ASB13: variants seen among roughly 807,000 people sequenced by gnomAD.
The protein encoded by ASB13 is ankyrin repeat and SOCS box containing 13, also known as ankyrin repeat and SOCS box protein 13.
Under a neutral mutation model 28.8 loss-of-function variants are expected in ASB13, and 33 were observed. That is an observed-to-expected ratio of 1.15 (90% CI 0.87 to 1.53). The LOEUF is 1.53. Ranked by LOEUF, ASB13 falls within the 40% of genes most tolerant of loss-of-function variation. ASB13 has a pLI of 0.00. For synonymous variants in ASB13, 182 were observed against 172.9 expected, an observed-to-expected ratio of 1.05 and a Z score of -0.41; for missense variants, 414 against 390.1, an observed-to-expected ratio of 1.06 and a Z score of -0.52.
rs984071481 is a variant in ASB13, at chr10:5,650,569, A to G, written c.382+644T>C. Reference sequence around the variant, plus strand: ...AGCCACAGTTTGCAACCTCTGCTCGAAAGAGTAGAATCTAAACTCCTTAGT... The same window carrying G: ...AGCCACAGTTTGCAACCTCTGCTCGGAAGAGTAGAATCTAAACTCCTTAGT... On this transcript the variant is annotated intron_variant, in intron 3 of 5. Coordinates refer to ENST00000357700, the MANE Select transcript of ASB13 (RefSeq NM_024701.4). This position sits in a 1 kb window ranked among gnomAD's most constrained non-coding sequence, Gnocchi z 6.0. Among the ~76,000 whole-genome samples the G allele has an allele frequency of 3.3e-5, 5 of 152,324 alleles. No individual in the cohort carries two copies. Among genetic ancestry groups the G allele is most frequent in the Middle Eastern group, 3.4e-3 (1 of 294 alleles).
chr10:5,655,544 A>T lies in ASB13; in HGVS notation c.44-2494T>A, dbSNP rs1301208256. Among the ~76,000 whole-genome samples the T allele has an allele frequency of 6.6e-6, 1 of 152,190 alleles. No homozygotes were observed. Among genetic ancestry groups the T allele is most frequent in the Non-Finnish European group, 1.5e-5 (1 of 68,050 alleles). On this transcript the variant is annotated intron_variant, in intron 1 of 5. Coordinates refer to ENST00000357700, the MANE Select transcript of ASB13 (RefSeq NM_024701.4). This position sits in a 1 kb window ranked among gnomAD's most constrained non-coding sequence, Gnocchi z 6.2. ...ACAGCCAAAGAGCCCGGGTGACCCT[A>T]TGTCAGTGGAAGTGGGGACTAGGGA...
Position 5,652,876 on chromosome 10 carries a change from G to A in ASB13, c.218C>T (p.Ala73Val), listed in dbSNP as rs369349880. 3.0e-5 allele frequency: 46 copies of A among 1,551,084 alleles called. No individual in the cohort carries two copies. The Middle Eastern group carries it at 5.8e-4, about 19-fold the overall frequency. ...AGGGCCACTCACCTGGGCCCCAGCCGCCAGCAGCAGCTGCACACACCGCGC... is the reference window on the plus strand; with the variant it reads ...AGGGCCACTCACCTGGGCCCCAGCCACCAGCAGCAGCTGCACACACCGCGC... ...GQARCVQLLL[A>V]AGAQVDARNI... The change falls in exon 2 of 6, where the codon GCG becomes GTG. Residue 73 changes from alanine (A) to valine (V), a missense_variant. By Grantham distance (64) the Ala-to-Val change is moderately conservative. Transcript: ENST00000357700. The surrounding 1 kb of genome is among the most constrained non-coding windows in gnomAD (Gnocchi z 5.0).
At position 5,650,729 on chromosome 10, in the gene ASB13, G is replaced by T. The variant is rs1330332996; in HGVS notation, c.382+484C>A. 6.6e-6 allele frequency among the ~76,000 whole-genome samples: 1 copy of T among 152,210 alleles called. No homozygotes were observed. The highest frequency in any genetic ancestry group is 6.5e-5 in the Admixed American group (1 of 15,294). On this transcript the variant is annotated intron_variant, in intron 3 of 5. Coordinates refer to ENST00000357700, the MANE Select transcript of ASB13 (RefSeq NM_024701.4). This position sits in a 1 kb window ranked among gnomAD's most constrained non-coding sequence, Gnocchi z 6.0. ...CTCGGGGTGCCCTTTTATCTTCCCA[G>T]CATCTGCAGTCTGCCTATTCTTGGG...
rs871748 is a variant in ASB13, at chr10:5,659,832, C to T, written c.43+6677G>A. On this transcript the variant is annotated intron_variant, in intron 1 of 5. Transcript: ENST00000357700. This position sits in a 1 kb window ranked among gnomAD's most constrained non-coding sequence, Gnocchi z 5.8. ...TCTGAATGAATAAGCACTCCCCAGACGCATCTTCCCCTGCCAGACTGAACT... is the reference window on the plus strand; with the variant it reads ...TCTGAATGAATAAGCACTCCCCAGATGCATCTTCCCCTGCCAGACTGAACT... Among the ~76,000 whole-genome samples, 37,980 of 152,060 alleles carry T rather than the reference C, an allele frequency of 0.25. 5,320 individuals are homozygous for T. The highest frequency in any genetic ancestry group is 0.5 in the East Asian group (2,591 of 5,146).
In ASB13 at chr10:5,651,675, C is replaced by G. The variant is rs756370551; in HGVS notation, c.232-312G>C. ...GGACAGGGGAACCCTAGGCTGCAAG[C>G]TGGGAAAGGCAGGCTTTAAAAATGA... On this transcript the variant is annotated intron_variant, in intron 2 of 5. Transcript: ENST00000357700. This position sits in a 1 kb window ranked among gnomAD's most constrained non-coding sequence, Gnocchi z 5.1. 28 of 240,678 alleles carry G rather than the reference C, an allele frequency of 1.2e-4. No homozygotes were observed. The highest frequency in any genetic ancestry group is 1.9e-4 in the Non-Finnish European group (24 of 125,878). 14.9% of individuals were successfully genotyped at this position (240,678 alleles called of 1,614,324 possible). A position where few individuals can be genotyped will look rare whatever the true frequency, so the allele number is the denominator to read the frequency against.
Position 5,642,402 on chromosome 10 carries a change from C to G in ASB13, c.518-441G>C. On this transcript the variant is annotated intron_variant, in intron 4 of 5. Coordinates refer to ENST00000357700, the MANE Select transcript of ASB13 (RefSeq NM_024701.4). The surrounding 1 kb of genome is among the most constrained non-coding windows in gnomAD (Gnocchi z 4.1). ...GCCCAGGACGGAGGCTCCAGAAATA[C>G]TGGTTGAATGAAAGAATAAATGTTC... 4 of 848,440 alleles carry G rather than the reference C, an allele frequency of 4.7e-6. No homozygotes were observed. The highest frequency in any genetic ancestry group is 6.1e-6 in the Non-Finnish European group (4 of 656,986). The allele number at this position is 848,440 out of a possible 1,614,324, so 52.6% of individuals were successfully genotyped here.
At chr10:5,662,527 C>T (rs1435695157) in intron 1 of ASB13, among the ~76,000 whole-genome samples, 1 of 5,208 alleles carries the variant, frequency 1.9e-4, no homozygotes, top group African/African-American at 5.2e-4. Context: ...GAGACTCTGT[C>T]GAGAAGGGGG....
chr10:5,641,648 C>T lies in ASB13; in HGVS notation c.709+122G>A, dbSNP rs534856900. ...CAAAGTGCTTAAGGGTCTGTCCTAG[C>T]GCAGAGGACAGGAGCCAGGACTAAC... On this transcript the variant is annotated intron_variant, in intron 5 of 5. Transcript: ENST00000357700. This position sits in a 1 kb window ranked among gnomAD's most constrained non-coding sequence, Gnocchi z 8.4. The T allele has an allele frequency of 7.5e-6, 8 of 1,064,280 alleles. 1 individual carries two copies. Among genetic ancestry groups the T allele is most frequent in the South Asian group, 6.3e-5 (4 of 63,296 alleles). The allele number at this position is 1,064,280 out of a possible 1,614,324, so 65.9% of individuals were successfully genotyped here.
Position 5,641,999 on chromosome 10 carries a change from G to GA in ASB13, c.518-39dup. On this transcript the variant is annotated intron_variant, in intron 4 of 5. Coordinates refer to ENST00000357700, the MANE Select transcript of ASB13 (RefSeq NM_024701.4). This position sits in a 1 kb window ranked among gnomAD's most constrained non-coding sequence, Gnocchi z 8.4. ...AGTGCAGAAGAGATTTCACCAAGAAGAGAACTTGAAGTCAGGGGGACAATC... is the reference window on the plus strand; with the variant it reads ...AGTGCAGAAGAGATTTCACCAAGAAGAAGAACTTGAAGTCAGGGGGACAATC... 1 of 1,580,528 alleles carries GA rather than the reference G, an allele frequency of 6.3e-7. No homozygotes were observed. Among genetic ancestry groups the GA allele is most frequent in the Non-Finnish European group, 8.7e-7 (1 of 1,153,752 alleles).
At position 5,650,910 on chromosome 10, in the gene ASB13, A is replaced by G. The variant is rs922972734; in HGVS notation, c.382+303T>C. ...GCAGAGCAAACTGTAGCAAAGCCCA[A>G]GTGAGCCTCTGCAGAGTCCCCCAGG... On this transcript the variant is annotated intron_variant, in intron 3 of 5. Transcript: ENST00000357700. This position sits in a 1 kb window ranked among gnomAD's most constrained non-coding sequence, Gnocchi z 6.0. Among the ~76,000 whole-genome samples the G allele has an allele frequency of 1.3e-5, 2 of 152,198 alleles. No individual in the cohort carries two copies. Among genetic ancestry groups the G allele is most frequent in the African/African-American group, 4.8e-5 (2 of 41,442 alleles).
chr10:5,661,605 C>T lies in ASB13; in HGVS notation c.43+4904G>A, dbSNP rs963586337. Among the ~76,000 whole-genome samples the T allele has an allele frequency of 9.2e-5, 14 of 152,156 alleles. No homozygotes were observed. Among genetic ancestry groups the T allele is most frequent in the African/African-American group, 3.1e-4 (13 of 41,426 alleles). On this transcript the variant is annotated intron_variant, in intron 1 of 5. Coordinates refer to ENST00000357700, the MANE Select transcript of ASB13 (RefSeq NM_024701.4). This position sits in a 1 kb window ranked among gnomAD's most constrained non-coding sequence, Gnocchi z 4.9. The stretch of plus-strand genomic sequence containing the variant: ...AACCTCCTAGGTTCAAGTGATCCTC[C>T]CACCTCAGCCTCCCAAGTAGCTGGG...
Position 5,640,463 on chromosome 10 carries a change from G to T in ASB13, c.*240C>A. 3 of 486,864 alleles carry T rather than the reference G, an allele frequency of 6.2e-6. No individual in the cohort carries two copies. The highest frequency in any genetic ancestry group is 1.1e-5 in the Non-Finnish European group (3 of 272,666). 30.2% of individuals were successfully genotyped at this position (486,864 alleles called of 1,614,324 possible). On this transcript the variant is annotated 3_prime_UTR_variant, in exon 6 of 6. Transcript: ENST00000357700. ...GGGCCCATGCCCATTGAGAGGGTAG[G>T]TTCTGTAGAACAGCGCAGGGCCACA...
rs990640011 is a variant in ASB13, at chr10:5,640,042, G to A, written c.*661C>T. ...TCCTAAGAAACTCAGTGCTACTTGT[G>A]GGGAATACAAAGCCAGGGCCTTCCC... On this transcript the variant is annotated 3_prime_UTR_variant, in exon 6 of 6. Coordinates refer to ENST00000357700, the MANE Select transcript of ASB13 (RefSeq NM_024701.4). The A allele has an allele frequency of 7.2e-5, 11 of 152,694 alleles. 1 individual carries two copies. The East Asian group carries it at 2.1e-3, about 29-fold the overall frequency. 9.5% of individuals were successfully genotyped at this position (152,694 alleles called of 1,614,324 possible).
chr10:5,663,476 G>C lies in ASB13; in HGVS notation c.43+3033C>G, dbSNP rs1237616749. 6.6e-6 allele frequency among the ~76,000 whole-genome samples: 1 copy of C among 152,152 alleles called. No homozygotes were observed. Among genetic ancestry groups the C allele is most frequent in the African/African-American group, 2.4e-5 (1 of 41,460 alleles). ...AAAGGCTATGGCCCAGGGAGCATGG[G>C]GAGGGTCCCCCAGTCCCACCCTCAA... On this transcript the variant is annotated intron_variant, in intron 1 of 5. Coordinates refer to ENST00000357700, the MANE Select transcript of ASB13 (RefSeq NM_024701.4). This position sits in a 1 kb window ranked among gnomAD's most constrained non-coding sequence, Gnocchi z 4.9.
In ASB13 at chr10:5,658,089, C is replaced by CA. The variant is rs1034609116; in HGVS notation, c.44-5040dup. Among the ~76,000 whole-genome samples, 3 of 152,082 alleles carry CA rather than the reference C, an allele frequency of 2.0e-5. No homozygotes were observed. The highest frequency in any genetic ancestry group is 7.2e-5 in the African/African-American group (3 of 41,394). Reference sequence around the variant, plus strand: ...ACGAGAATCGCATGAACCCAGGAGACAGAGGTTGCAGTGAACTGAGATCAC... The same window carrying CA: ...ACGAGAATCGCATGAACCCAGGAGACAAGAGGTTGCAGTGAACTGAGATCAC... On this transcript the variant is annotated intron_variant, in intron 1 of 5. Transcript: ENST00000357700. The surrounding 1 kb of genome is among the most constrained non-coding windows in gnomAD (Gnocchi z 4.2).
chr10:5,644,662 C>A lies in ASB13; in HGVS notation c.518-2701G>T, dbSNP rs1054773902. On this transcript the variant is annotated intron_variant, in intron 4 of 5. Coordinates refer to ENST00000357700, the MANE Select transcript of ASB13 (RefSeq NM_024701.4). The surrounding 1 kb of genome is among the most constrained non-coding windows in gnomAD (Gnocchi z 5.1). The stretch of plus-strand genomic sequence containing the variant: ...GTGAAACCTCGTCTCTACTAAAAAT[C>A]CAAAAATTACCTGGGCGTGGTGGTG... 5.9e-5 allele frequency among the ~76,000 whole-genome samples: 9 copies of A among 151,846 alleles called. No homozygotes were observed. Among genetic ancestry groups the A allele is most frequent in the African/African-American group, 2.2e-4 (9 of 41,318 alleles).
chr10:5,658,787 G>A lies in ASB13; in HGVS notation c.44-5737C>T, dbSNP rs1835111566. On this transcript the variant is annotated intron_variant, in intron 1 of 5. Transcript: ENST00000357700. The surrounding 1 kb of genome is among the most constrained non-coding windows in gnomAD (Gnocchi z 4.2). The stretch of plus-strand genomic sequence containing the variant: ...AGCTGGAGGACCTAGAGCATGGGGG[G>A]ACTGTCACCCGCAGGCTGTCCTCAT... Among the ~76,000 whole-genome samples, 3 of 152,164 alleles carry A rather than the reference G, an allele frequency of 2.0e-5. No individual in the cohort carries two copies. The highest frequency in any genetic ancestry group is 2.0e-4 in the Admixed American group (3 of 15,288).
At chr10:5,646,572 TG>T (rs1222337365) in intron 4 of ASB13, among the ~76,000 whole-genome samples, 5 of 152,180 alleles carry the variant, frequency 3.3e-5, no homozygotes, top group Non-Finnish European at 7.4e-5. Context: ...AACTGAGGCC[TG>T]GGTGACACCA....
At position 5,660,185 on chromosome 10, in the gene ASB13, A is replaced by G. The variant is rs1408318304; in HGVS notation, c.43+6324T>C. ...TTTGCCCTGAAAACTAGAGTTTCAC[A>G]GATGTCACCTATGTATCTACTGCAG... On this transcript the variant is annotated intron_variant, in intron 1 of 5. Coordinates refer to ENST00000357700, the MANE Select transcript of ASB13 (RefSeq NM_024701.4). This position sits in a 1 kb window ranked among gnomAD's most constrained non-coding sequence, Gnocchi z 6.1. Among the ~76,000 whole-genome samples the G allele has an allele frequency of 6.6e-6, 1 of 152,206 alleles. No homozygotes were observed. Among genetic ancestry groups the G allele is most frequent in the East Asian group, 1.9e-4 (1 of 5,194 alleles).
Sources: gnomAD v4.1 joint callset for allele counts (sites outside exome capture counted in the v4.1 genomes callset) on GRCh38, gnomAD v4.1.1 for gene constraint, Gnocchi (gnomAD v3.1) non-coding constraint, MANE v1.5 for transcripts, NCBI Gene and HGNC (gene_info 2026-07-23, HGNC 2026-07-21) for gene names.